The following UTP6 variants were observed in gnomAD, a reference collection of about 807,000 sequenced individuals.
The protein encoded by UTP6 is UTP6 small subunit processome component.
A neutral mutation model predicts 96.5 loss-of-function variants in UTP6; 60 were observed. The ratio of observed to expected loss-of-function variants is 0.62; its 90% CI spans 0.51 to 0.77. The LOEUF (loss-of-function observed/expected upper bound fraction) is 0.77, where lower values mean the gene tolerates loss of function less well. UTP6 is among the 30% of genes least tolerant of loss of function. The pLI, the probability that UTP6 is intolerant of heterozygous loss-of-function variation, is 0.00. For synonymous variants in UTP6, 215 were observed against 240.1 expected, an observed-to-expected ratio of 0.90 and a Z score of 0.96; for missense variants, 637 against 706.5, an observed-to-expected ratio of 0.90 and a Z score of 1.12.
intron 13 of UTP6, among the ~76,000 whole-genome samples, chr17:31,877,831 GTGGCATGCACCTGTGA>G (rs1198215685): frequency 2.0e-5 from 3 of 151,994 alleles, no homozygotes; most frequent in Non-Finnish European, 4.4e-5. Flanking sequence ...GCTGGGCGTG[GTGGCATGCACCTGTGA>G]TCCCAGCTAC....
Position 31,888,129 on chromosome 17 carries a change from C to A in UTP6, c.544-816G>T, listed in dbSNP as rs192191529. 8 of 151,688 alleles carry A rather than the reference C, an allele frequency of 5.3e-5. No homozygotes were observed. The East Asian group carries it at 1.5e-3, about 29-fold the overall frequency. The allele number at this position is 151,688 out of a possible 1,614,324, so 9.4% of individuals were successfully genotyped here. ...GCACCATCCATAAGGGAGTAAGTCC[C>A]CGAAGAGAGAAAGGAAGTACTACCA... On this transcript the variant is annotated intron_variant, in intron 7 of 18. Coordinates refer to ENST00000261708, the MANE Select transcript of UTP6 (RefSeq NM_018428.3).
At chr17:31,884,321 T>C (rs559336461) in intron 10 of UTP6, 103 bp downstream of exon 10, 2 of 916,272 alleles carry the variant, frequency 2.2e-6, no homozygotes, top group Admixed American at 2.9e-5. Flanking sequence ...ATTCCAGGGA[T>C]TTAGTGTGGT....
At chr17:31,874,351 G>C (rs779273016) in intron 14 of UTP6, 2 of 152,340 alleles carry the variant, frequency 1.3e-5, no homozygotes, top group African/African-American at 2.4e-5. Flanking sequence ...TTCAAGACCA[G>C]CCTGGCCAAC....
chr17:31,876,005 T>G (rs1380910321), intron 13 of UTP6, among the ~76,000 whole-genome samples: 1 of 151,932 alleles, frequency 6.6e-6, no homozygotes, highest in East Asian at 1.9e-4. Flanking sequence ...ACCTAAAGAA[T>G]TTAGACTGTA....
chr17:31,897,443 CTT>C (rs397857995), intron 2 of UTP6, among the ~76,000 whole-genome samples: 4 of 103,208 alleles, frequency 3.9e-5, no homozygotes, highest in Non-Finnish European at 5.8e-5. Context: ...AACTTCTAGT[CTT>C]TTTTTTTTTT....
In UTP6 at chr17:31,868,859, A is replaced by G. The variant is rs557176765; in HGVS notation, c.1497-747T>C. On this transcript the variant is annotated intron_variant, in intron 16 of 18. Coordinates refer to ENST00000261708, the MANE Select transcript of UTP6 (RefSeq NM_018428.3). ...CCGGGCATGGTGGCTCACACCTGTA[A>G]TCCCAGCACTTTGGGAGGCCAAGGC... Among the ~76,000 whole-genome samples, 54 of 152,268 alleles carry G rather than the reference A, an allele frequency of 3.5e-4. 1 individual carries two copies. Among genetic ancestry groups the G allele is most frequent in the African/African-American group, 1.2e-3 (51 of 41,550 alleles).
At chr17:31,871,091 G>A (rs1038484664) in intron 16 of UTP6, among the ~76,000 whole-genome samples, 1 of 147,812 alleles carries the variant, frequency 6.8e-6, no homozygotes, top group Non-Finnish European at 1.5e-5. Context: ...CCAGGTTCAC[G>A]CCATGCTCCT....
Position 31,861,250 on chromosome 17 carries a change from C to T in UTP6, c.*2109G>A, listed in dbSNP as rs1244266426. 1 of 151,570 alleles carries T rather than the reference C, an allele frequency of 6.6e-6. No individual in the cohort carries two copies. The highest frequency in any genetic ancestry group is 1.5e-5 in the Non-Finnish European group (1 of 67,908). 9.4% of individuals were successfully genotyped at this position (151,570 alleles called of 1,614,324 possible). A position where few individuals can be genotyped will look rare whatever the true frequency, so the allele number is the denominator to read the frequency against. On this transcript the variant is annotated 3_prime_UTR_variant, in exon 19 of 19. Transcript: ENST00000261708. ...CTCTGTCTCAAAAAAAAAAAATCAC[C>T]ACAAACAAGGCTGGGGGTAAAATTA...
At chr17:31,892,181 G>A in intron 6 of UTP6, 79 bp downstream of exon 6, 1 of 1,479,916 alleles carries the variant, frequency 6.8e-7, no homozygotes, top group Admixed American at 1.8e-5. Context: ...ATTTCTCTTA[G>A]ATTCATCAAT....
chr17:31,900,814 T>G (rs193040020), intron 1 of UTP6, among the ~76,000 whole-genome samples: 4 of 152,268 alleles, frequency 2.6e-5, no homozygotes, highest in Admixed American at 1.3e-4. Flanking sequence ...TTAGGAGAAT[T>G]TAATGCAAGA....
intron 16 of UTP6, 52 bp from the exon 17 acceptor site, chr17:31,868,164 C>T (rs754193178): frequency 2.6e-6 from 4 of 1,538,258 alleles, no homozygotes; most frequent in Admixed American, 1.8e-5. Flanking sequence ...AAGCCTCTTA[C>T]ATCTCATAAC....
chr17:31,882,403 C>T (rs1910899285), intron 10 of UTP6, among the ~76,000 whole-genome samples: 1 of 151,816 alleles, frequency 6.6e-6, no homozygotes, highest in Admixed American at 6.6e-5. Flanking sequence ...TCACTGCAAC[C>T]TCCACCTTCC....
At chr17:31,892,428 C>T in intron 5 of UTP6, 105 bp from the exon 6 acceptor site, 3 of 1,171,342 alleles carry the variant, frequency 2.6e-6, no homozygotes, top group South Asian at 2.7e-5. Flanking sequence ...TCCAATGGAG[C>T]ATGACATGCT....
intron 13 of UTP6, among the ~76,000 whole-genome samples, chr17:31,877,744 A>T (rs1910576169): frequency 6.6e-6 from 1 of 152,078 alleles, no homozygotes; most frequent in East Asian, 1.9e-4. Flanking sequence ...AGGCAGGGGG[A>T]TCACTTGAGG....
In UTP6 at chr17:31,865,542, G is replaced by C. The variant is rs1237403948; in HGVS notation, c.1564-104C>G. On this transcript the variant is annotated intron_variant, in intron 17 of 18. Coordinates refer to ENST00000261708, the MANE Select transcript of UTP6 (RefSeq NM_018428.3). ...CTACTGTCTGTCAGGTATTTGAAGG[G>C]AAGAGTTTAACATGAACACAACTTG... 4 of 1,157,380 alleles carry C rather than the reference G, an allele frequency of 3.5e-6. No homozygotes were observed. The South Asian group carries it at 4.0e-5, about 12-fold the overall frequency. The allele number at this position is 1,157,380 out of a possible 1,614,324, so 71.7% of individuals were successfully genotyped here. A position where few individuals can be genotyped will look rare whatever the true frequency, so the allele number is the denominator to read the frequency against.
At chr17:31,868,706 G>C (rs1909984737) in intron 16 of UTP6, among the ~76,000 whole-genome samples, 1 of 151,948 alleles carries the variant, frequency 6.6e-6, no homozygotes, top group Admixed American at 6.6e-5. Context: ...AAGTCTTTTG[G>C]GAAATCAGTA....
chr17:31,899,670 C>T lies in UTP6; in HGVS notation c.153G>A (p.Lys51=). Residue 51 remains lysine (K), a synonymous_variant, in exon 2 of 19, where the codon AAG becomes AAA. Transcript: ENST00000261708. ...EYKIQRRTLF[K]EDFINYVQYE... ...CTTGAACATAATTGATAAAGTCTTCCTTGAAAAGGGTTCTTCTCTGGATTT... is the reference window on the plus strand; with the variant it reads ...CTTGAACATAATTGATAAAGTCTTCTTTGAAAAGGGTTCTTCTCTGGATTT... 1.2e-6 allele frequency: 2 copies of T among 1,604,870 alleles called. No homozygotes were observed. Among genetic ancestry groups the T allele is most frequent in the East Asian group, 4.5e-5 (2 of 44,656 alleles).
intron 13 of UTP6, among the ~76,000 whole-genome samples, chr17:31,877,743 G>T: frequency 6.6e-6 from 1 of 152,194 alleles, no homozygotes; most frequent in Admixed American, 6.6e-5. Context: ...GAGGCAGGGG[G>T]ATCACTTGAG....
At chr17:31,880,870 G>T in intron 10 of UTP6, 116 bp from the exon 11 acceptor site, 1 of 1,405,854 alleles carries the variant, frequency 7.1e-7, no homozygotes, top group East Asian at 2.3e-5. Context: ...AACAACTGCA[G>T]TACCATAAAA....
Sources: gnomAD v4.1 joint callset for allele counts (sites outside exome capture counted in the v4.1 genomes callset) on GRCh38, gnomAD v4.1.1 for gene constraint, MANE v1.5 for transcripts, NCBI Gene and HGNC (gene_info 2026-07-23, HGNC 2026-07-21) for gene names.